KIF1B: variants seen among roughly 807,000 people sequenced by gnomAD.
The protein encoded by KIF1B is kinesin-like protein KIF1B.
KIF1B carries 76 observed loss-of-function variants against 241.9 expected under a neutral mutation model. The ratio of observed to expected loss-of-function variants is 0.31; its 90% confidence interval spans 0.26 to 0.38. The LOEUF (loss-of-function observed/expected upper bound fraction) is 0.38. Among genes scored for constraint, KIF1B ranks in the 10% least tolerant of loss-of-function variants. The pLI, the probability that KIF1B is intolerant of heterozygous loss-of-function variation, is 1.00. For synonymous variants in KIF1B, 750 were observed against 796.7 expected, an observed-to-expected ratio of 0.94 and a Z score of 0.99; for missense variants, 1,622 against 2,271.4, an observed-to-expected ratio of 0.71 and a Z score of 5.81.
Position 10,295,666 on chromosome 1 carries a change from C to A in KIF1B, c.1677C>A (p.Gly559=), listed in dbSNP as rs772000578. The change falls in exon 19 of 49, where the codon GGC becomes GGA. Residue 559 remains glycine (G), a synonymous_variant. Transcript: ENST00000676179. ...CACTTTCTCTTGTGTTCAGGGTTGG[C>A]CAAGCAGATGCTGAGCGGCGCCAGG... The part of the protein sequence containing the change: ...YYIKDGITRV[G]QADAERRQDI... 5.0e-6 allele frequency: 8 copies of A among 1,613,526 alleles called. No homozygotes were observed. The highest frequency in any genetic ancestry group is 6.8e-6 in the Non-Finnish European group (8 of 1,179,778).
At chr1:10,260,156 A>C (rs1162552423) in intron 4 of KIF1B, among the ~76,000 whole-genome samples, 1 of 152,220 alleles carries the variant, frequency 6.6e-6, no homozygotes, top group Non-Finnish European at 1.5e-5. Context: ...TGCGTTGTAT[A>C]GCCTGTTGCT....
chr1:10,273,105 C>A, intron 10 of KIF1B, 74 bp downstream of exon 10: 1 of 1,109,940 alleles, frequency 9.0e-7, no homozygotes, highest in Non-Finnish European at 1.3e-6. Flanking sequence ...TGTATGGAGG[C>A]ATAAGTAGGA....
Position 10,307,058 on chromosome 1 carries a change from A to T in KIF1B, c.2115+9812A>T, listed in dbSNP as rs898290223. 3 of 1,039,048 alleles carry T rather than the reference A, an allele frequency of 2.9e-6. No individual in the cohort carries two copies. The African/African-American group carries it at 5.0e-5, about 17-fold the overall frequency. The allele number at this position is 1,039,048 out of a possible 1,614,324, so 64.4% of individuals were successfully genotyped here. ...GTTTATATTTGTGCTTCATCTGTTAATCCCAGGTGTCCTCATGTTGCTGAA... is the reference window on the plus strand; with the variant it reads ...GTTTATATTTGTGCTTCATCTGTTATTCCCAGGTGTCCTCATGTTGCTGAA... On this transcript the variant is annotated intron_variant, in intron 22 of 48. Coordinates refer to ENST00000676179, the MANE Select transcript of KIF1B (RefSeq NM_001365951.3).
Position 10,289,612 on chromosome 1 carries a change from G to A in KIF1B, c.1435-1470G>A, listed in dbSNP as rs184931830. ...AATGGATTATATCATGGCGGGGCACGGTGGCTCACACCTGTAATCCCAGCA... is the reference window on the plus strand; with the variant it reads ...AATGGATTATATCATGGCGGGGCACAGTGGCTCACACCTGTAATCCCAGCA... On this transcript the variant is annotated intron_variant, in intron 15 of 48. Transcript: ENST00000676179. 4.1e-4 allele frequency among the ~76,000 whole-genome samples: 63 copies of A among 152,230 alleles called. 1 individual carries two copies. The Middle Eastern group carries it at 0.014, about 33-fold the overall frequency.
At chr1:10,249,882 G>A (rs369474051) in intron 2 of KIF1B, among the ~76,000 whole-genome samples, 301 of 152,270 alleles carry the variant, frequency 2.0e-3, no homozygotes, top group Admixed American at 5.1e-3. Context: ...AGCCTAGGGC[G>A]ACAGAGCAAG....
chr1:10,224,532 C>A (rs555954700), intron 1 of KIF1B, among the ~76,000 whole-genome samples: 36 of 152,258 alleles, frequency 2.4e-4, no homozygotes, highest in Non-Finnish European at 4.1e-4. Flanking sequence ...GATCTACCCA[C>A]CTCAGCCTCT....
At chr1:10,288,407 C>T (rs908584834) in intron 15 of KIF1B, among the ~76,000 whole-genome samples, 30 of 152,110 alleles carry the variant, frequency 2.0e-4, no homozygotes, top group African/African-American at 7.2e-4. Flanking sequence ...ATTTGTGGGG[C>T]GGCATGTGCA....
At chr1:10,313,161 G>A (rs1284917649) in intron 22 of KIF1B, among the ~76,000 whole-genome samples, 1 of 151,404 alleles carries the variant, frequency 6.6e-6, no homozygotes, top group East Asian at 1.9e-4. Flanking sequence ...TGCTGCCCTG[G>A]TTCAAGCGAT....
chr1:10,333,215 C>A (rs1652023469), intron 27 of KIF1B, among the ~76,000 whole-genome samples: 2 of 140,294 alleles, frequency 1.4e-5, no homozygotes, highest in South Asian at 4.6e-4. Context: ...CACCTGAGGT[C>A]AGGAGTTTGA....
At chr1:10,232,873 A>G (rs1038332435) in intron 2 of KIF1B, among the ~76,000 whole-genome samples, 8 of 152,206 alleles carry the variant, frequency 5.3e-5, no homozygotes, top group Non-Finnish European at 1.0e-4. Flanking sequence ...GATATAATAT[A>G]TAGTAAACTT....
At chr1:10,339,113 TCTCA>T (rs1652294129) in intron 31 of KIF1B, among the ~76,000 whole-genome samples, 1 of 152,198 alleles carries the variant, frequency 6.6e-6, no homozygotes, top group South Asian at 2.1e-4. Context: ...AACGATAACA[TCTCA>T]CTATCTGTGA....
chr1:10,283,513 C>A (rs1245936706), intron 15 of KIF1B, among the ~76,000 whole-genome samples: 1 of 152,230 alleles, frequency 6.6e-6, no homozygotes, highest in African/African-American at 2.4e-5. Context: ...AAGTTAAGAG[C>A]AGCAGAGCCT....
At chr1:10,350,668 T>A (rs137924141) in intron 37 of KIF1B, among the ~76,000 whole-genome samples, 1 of 152,366 alleles carries the variant, frequency 6.6e-6, no homozygotes, top group African/African-American at 2.4e-5. Context: ...GTTTATTGCC[T>A]TCCTTTGTGA....
chr1:10,278,274 T>C, intron 13 of KIF1B, 146 bp downstream of exon 13: 1 of 883,798 alleles, frequency 1.1e-6, no homozygotes, highest in Non-Finnish European at 1.7e-6. Flanking sequence ...TTTTGTTTTC[T>C]TTTTCCTTAA....
In KIF1B at chr1:10,374,954, T is replaced by C. The variant is rs770653848; in HGVS notation, c.5197T>C (p.Tyr1733His). The C allele has an allele frequency of 6.2e-7, 1 of 1,614,156 alleles. No homozygotes were observed. Among genetic ancestry groups the C allele is most frequent in the South Asian group, 1.1e-5 (1 of 91,086 alleles). The change falls in exon 47 of 49, where the codon TAT (tyrosine) becomes CAT (histidine). Residue 1733 changes from tyrosine to histidine, a missense_variant. Coordinates refer to ENST00000676179, the MANE Select transcript of KIF1B (RefSeq NM_001365951.3). The surrounding 1 kb of genome is among the most constrained non-coding windows in gnomAD (Gnocchi z 4.3). ...CGTCCGTCGGCCTTATGTCTTCATCTATAACAGTGACAAAGACCCTGTGGA... is the reference window on the plus strand; with the variant it reads ...CGTCCGTCGGCCTTATGTCTTCATCCATAACAGTGACAAAGACCCTGTGGA... Reference protein sequence around the residue: ...VVVRRPYVFIYNSDKDPVERG... With the variant: ...VVVRRPYVFIHNSDKDPVERG...
chr1:10,268,332 C>T, intron 7 of KIF1B, 69 bp downstream of exon 7: 1 of 1,056,984 alleles, frequency 9.5e-7, no homozygotes, highest in Non-Finnish European at 1.5e-6. Context: ...CTTTTGTTGC[C>T]CTCTGCTTTT....
chr1:10,325,177 A>C (rs1651682115), intron 26 of KIF1B, among the ~76,000 whole-genome samples: 2 of 152,228 alleles, frequency 1.3e-5, no homozygotes, highest in Admixed American at 1.3e-4. Context: ...AGATAAATTT[A>C]GAAGGAAAAG....
rs536152174 is a variant in KIF1B, at chr1:10,214,087, A to G, written c.-80+3209A>G. Among the ~76,000 whole-genome samples, 339 of 152,160 alleles carry G rather than the reference A, an allele frequency of 2.2e-3. 1 individual carries two copies. The highest frequency in any genetic ancestry group is 7.8e-3 in the African/African-American group (324 of 41,510). ...GATTACAGTGAGCTAAGACAGCGCC[A>G]TTGCACTCCACTCTGGGCTCAGACT... On this transcript the variant is annotated intron_variant, in intron 1 of 48. Transcript: ENST00000676179.
At chr1:10,286,449 A>AAT (rs1649720135) in intron 15 of KIF1B, among the ~76,000 whole-genome samples, 1 of 152,240 alleles carries the variant, frequency 6.6e-6, no homozygotes. Flanking sequence ...TTAGCCTATA[A>AAT]ATATCCACAA....
Sources: gnomAD v4.1 joint callset for allele counts (sites outside exome capture counted in the v4.1 genomes callset) on GRCh38, gnomAD v4.1.1 for gene constraint, Gnocchi (gnomAD v3.1) non-coding constraint, MANE v1.5 for transcripts, NCBI Gene and HGNC (gene_info 2026-07-23, HGNC 2026-07-21) for gene names.